Variants in FOLH1 observed in about 807,000 individuals in gnomAD.
The protein encoded by FOLH1 is folate hydrolase 1.
Under a neutral mutation model 93.9 loss-of-function variants are expected in FOLH1, and 54 were observed. The observed-to-expected ratio is 0.57, with a 90% CI of 0.46 to 0.72. The LOEUF is 0.72. Ranked by LOEUF, FOLH1 falls within the 30% of genes least tolerant of loss-of-function variation. The probability of loss-of-function intolerance (pLI) is 0.00; values close to 1 mark genes in which losing one functional copy is unlikely to be tolerated. For synonymous variants in FOLH1, 249 were observed against 303.6 expected (o/e 0.82, Z 1.87); for missense variants, 571 against 892.5 (o/e 0.64, Z 4.59).
chr11:49,203,915 G>C (rs1863548025), intron 2 of FOLH1, among the ~76,000 whole-genome samples: 1 of 152,154 alleles, frequency 6.6e-6, no homozygotes, highest in Admixed American at 6.5e-5. Context: ...GCCAGGGAGA[G>C]GCCAGCTCTT....
rs1216344102 is a variant in FOLH1, at chr11:49,145,601, G to A, written c.*1155C>T. Among the ~76,000 whole-genome samples the A allele has an allele frequency of 6.6e-6, 1 of 152,124 alleles. No homozygotes were observed. Among genetic ancestry groups the A allele is most frequent in the African/African-American group, 2.4e-5 (1 of 41,404 alleles). ...TCAATTTGAAGCAGATTCTTCAAGG[G>A]CAACACTACAGCGACTTCTTAACTT... On this transcript the variant is annotated 3_prime_UTR_variant, in exon 19 of 19. Transcript: ENST00000256999.
chr11:49,179,855 G>A (rs1406004663), intron 7 of FOLH1, among the ~76,000 whole-genome samples: 2 of 152,204 alleles, frequency 1.3e-5, no homozygotes, highest in African/African-American at 4.8e-5. Context: ...AGTTTAAAAA[G>A]TAATTACTAA....
chr11:49,187,577 T>G (rs1861556732), intron 4 of FOLH1, among the ~76,000 whole-genome samples: 1 of 152,222 alleles, frequency 6.6e-6, no homozygotes, highest in Non-Finnish European at 1.5e-5. Flanking sequence ...GAACATGCTG[T>G]TCTTTACAGT....
At chr11:49,201,135 C>T (rs1481815635) in intron 2 of FOLH1, among the ~76,000 whole-genome samples, 2 of 151,608 alleles carry the variant, frequency 1.3e-5, no homozygotes, top group Admixed American at 6.6e-5. Context: ...GATTCTGGTG[C>T]TTTTGATTGT....
chr11:49,191,395 T>C (rs1175196268), intron 4 of FOLH1, among the ~76,000 whole-genome samples: 7 of 152,170 alleles, frequency 4.6e-5, no homozygotes, highest in Admixed American at 4.6e-4. Flanking sequence ...GATGATCCAG[T>C]GAGGAACACC....
intron 3 of FOLH1, among the ~76,000 whole-genome samples, chr11:49,197,335 G>A (rs1347268434): frequency 6.6e-6 from 1 of 152,094 alleles, no homozygotes; most frequent in Non-Finnish European, 1.5e-5. Flanking sequence ...TGCCTTTTTG[G>A]TTGACTTTAT....
intron 7 of FOLH1, among the ~76,000 whole-genome samples, chr11:49,178,032 T>C (rs1231752629): frequency 6.6e-6 from 1 of 151,726 alleles, no homozygotes; most frequent in Non-Finnish European, 1.5e-5. Context: ...AGGGTCTATC[T>C]TCCGTGGTTT....
At chr11:49,173,287 A>G in intron 10 of FOLH1, 70 bp downstream of exon 10, 1 of 1,451,710 alleles carries the variant, frequency 6.9e-7, no homozygotes, top group South Asian at 1.6e-5. Flanking sequence ...GTATTTTTAT[A>G]CTCCCTTTAC....
At chr11:49,194,055 G>A (rs1402270121) in intron 3 of FOLH1, among the ~76,000 whole-genome samples, 1 of 143,258 alleles carries the variant, frequency 7.0e-6, no homozygotes, top group African/African-American at 2.6e-5. Flanking sequence ...AGGAGGCTGA[G>A]ACAGGAGAAT....
intron 11 of FOLH1, among the ~76,000 whole-genome samples, chr11:49,170,733 T>C (rs1859160136): frequency 6.6e-6 from 1 of 152,250 alleles, no homozygotes. Context: ...ATATTTTTCA[T>C]AAATTTGAAA....
rs1205936230 is a variant in FOLH1 at position 49,208,421 on chromosome 11, C to G, written c.-12G>C. ...AGGAGATTCCACATCTCGGCGCGAG[C>G]AGAGCCGGCCTCCCGGGACCCGCGC... On this transcript the variant is annotated 5_prime_UTR_variant, in exon 1 of 19. Transcript: ENST00000256999. 6.3e-7 allele frequency: 1 copy of G among 1,574,916 alleles called. No homozygotes were observed. The highest frequency in any genetic ancestry group is 8.7e-7 in the Non-Finnish European group (1 of 1,155,684).
intron 4 of FOLH1, among the ~76,000 whole-genome samples, chr11:49,189,959 G>A (rs1156645967): frequency 6.6e-6 from 1 of 152,070 alleles, no homozygotes; most frequent in African/African-American, 2.4e-5. Context: ...ATTACATTTA[G>A]CTCTTGTATT....
At chr11:49,205,439 A>G (rs1444102275) in intron 2 of FOLH1, among the ~76,000 whole-genome samples, 2 of 152,204 alleles carry the variant, frequency 1.3e-5, no homozygotes, top group African/African-American at 4.8e-5. Context: ...TAAGATCATT[A>G]TTCCCATTTT....
At chr11:49,186,886 AG>A in intron 4 of FOLH1, 117 bp from the exon 5 acceptor site, 1 of 1,027,428 alleles carries the variant, frequency 9.7e-7, no homozygotes. Flanking sequence ...CAGGAAGGTC[AG>A]AAATGCATGA....
intron 13 of FOLH1, among the ~76,000 whole-genome samples, chr11:49,158,321 T>G (rs574842427): frequency 2.0e-5 from 3 of 152,284 alleles, no homozygotes; most frequent in Admixed American, 2.0e-4. Context: ...TTTAGATGAA[T>G]GGCATAGCAT....
chr11:49,177,421 A>G (rs1860182715), intron 7 of FOLH1, among the ~76,000 whole-genome samples: 1 of 152,162 alleles, frequency 6.6e-6, no homozygotes, highest in Non-Finnish European at 1.5e-5. Flanking sequence ...AAGGCAAGTA[A>G]AGAATATACA....
At chr11:49,160,451 C>CT (rs910834590) in intron 13 of FOLH1, among the ~76,000 whole-genome samples, 16 of 150,424 alleles carry the variant, frequency 1.1e-4, no homozygotes, top group Admixed American at 2.7e-4. Flanking sequence ...ATGTTTTTTT[C>CT]TTTTTTTTTG....
At chr11:49,182,438 TA>T (rs1860874082) in intron 7 of FOLH1, among the ~76,000 whole-genome samples, 1 of 148,330 alleles carries the variant, frequency 6.7e-6, no homozygotes, top group African/African-American at 2.5e-5. Flanking sequence ...AAAGTTTCAA[TA>T]ATGAAAGCAG....
At chr11:49,161,326 A>G (rs1857672780) in intron 13 of FOLH1, among the ~76,000 whole-genome samples, 1 of 152,158 alleles carries the variant, frequency 6.6e-6, no homozygotes, top group African/African-American at 2.4e-5. Flanking sequence ...ATGTGCATAT[A>G]TATTTAGGAC....
Sources: gnomAD v4.1 joint callset for allele counts (sites outside exome capture counted in the v4.1 genomes callset) on GRCh38, gnomAD v4.1.1 for gene constraint, MANE v1.5 for transcripts, NCBI Gene and HGNC (gene_info 2026-07-23, HGNC 2026-07-21) for gene names.